PITPNC1: variants seen among roughly 807,000 people sequenced by gnomAD.
PITPNC1 encodes phosphatidylinositol transfer protein cytoplasmic 1.
PITPNC1 carries 18 observed loss-of-function variants against 44.7 expected under a neutral mutation model. The ratio of observed to expected loss-of-function variants is 0.40; its 90% confidence interval spans 0.28 to 0.60. The LOEUF (loss-of-function observed/expected upper bound fraction) is 0.60. PITPNC1 is among the 20% of genes least tolerant of loss of function. The probability of loss-of-function intolerance (pLI) is 0.39; values close to 1 mark genes in which losing one functional copy is unlikely to be tolerated. For synonymous variants in PITPNC1, 141 were observed against 149.6 expected, an observed-to-expected ratio of 0.94 and a Z score of 0.42; for missense variants, 290 against 418.4, an observed-to-expected ratio of 0.69 and a Z score of 2.68.
intron 1 of PITPNC1, among the ~76,000 whole-genome samples, chr17:67,452,374 A>G (rs1269652718): frequency 6.6e-6 from 1 of 151,936 alleles, no homozygotes; most frequent in African/African-American, 2.4e-5. Context: ...CATTTTGTTT[A>G]TTCATCACCA....
intron 3 of PITPNC1, among the ~76,000 whole-genome samples, chr17:67,552,765 G>A (rs963614794): frequency 1.4e-5 from 2 of 145,050 alleles, no homozygotes; most frequent in African/African-American, 2.6e-5. Context: ...CCAAGATTGT[G>A]CCACTGCACG....
intron 5 of PITPNC1, among the ~76,000 whole-genome samples, chr17:67,584,497 A>G (rs1404238946): frequency 6.6e-6 from 1 of 152,178 alleles, no homozygotes; most frequent in African/African-American, 2.4e-5. Context: ...ATCAGTATTG[A>G]AGTTCCAGTT....
chr17:67,399,499 C>T (rs1296609541), intron 1 of PITPNC1, among the ~76,000 whole-genome samples: 1 of 152,178 alleles, frequency 6.6e-6, no homozygotes, highest in Non-Finnish European at 1.5e-5. Flanking sequence ...CGCTGCTTTA[C>T]CACACATTTT....
Position 67,473,053 on chromosome 17 carries a change from T to C in PITPNC1, c.49-59749T>C, listed in dbSNP as rs370194704. Among the ~76,000 whole-genome samples, 22 of 151,838 alleles carry C rather than the reference T, an allele frequency of 1.4e-4. 1 individual carries two copies. In the South Asian group the frequency reaches 4.6e-3, roughly 32 times the overall value. ...ACCATGCCCAACTAATTTTTTTGTA[T>C]TTTTAGTAGAGAAGGGGTTTCACCA... On this transcript the variant is annotated intron_variant, in intron 1 of 8. Coordinates refer to ENST00000581322, the MANE Select transcript of PITPNC1 (RefSeq NM_012417.4).
At chr17:67,384,223 A>G (rs1007076841) in intron 1 of PITPNC1, among the ~76,000 whole-genome samples, 5 of 152,088 alleles carry the variant, frequency 3.3e-5, no homozygotes, top group African/African-American at 1.2e-4. Flanking sequence ...AGGAAAGGAA[A>G]GAAAAGAAAA....
chr17:67,402,086 G>A (rs922631135), intron 1 of PITPNC1, among the ~76,000 whole-genome samples: 16 of 152,198 alleles, frequency 1.1e-4, no homozygotes, highest in African/African-American at 3.4e-4. Flanking sequence ...CTTGCAAGCC[G>A]TAAGGTCTCT....
At chr17:67,424,194 A>C (rs755526139) in intron 1 of PITPNC1, among the ~76,000 whole-genome samples, 31 of 152,046 alleles carry the variant, frequency 2.0e-4, no homozygotes, top group African/African-American at 4.8e-4. Flanking sequence ...GTATGGTAGA[A>C]GCCAATAGAG....
chr17:67,490,754 C>T (rs2039853728), intron 1 of PITPNC1, among the ~76,000 whole-genome samples: 1 of 152,286 alleles, frequency 6.6e-6, no homozygotes, highest in African/African-American at 2.4e-5. Flanking sequence ...TTGTCAGTCA[C>T]GAGAGAACAT....
chr17:67,384,529 C>G (rs1273422011), intron 1 of PITPNC1, among the ~76,000 whole-genome samples: 1 of 152,110 alleles, frequency 6.6e-6, no homozygotes, highest in Non-Finnish European at 1.5e-5. Flanking sequence ...GGGTTCACGC[C>G]ATTCTCCTGC....
chr17:67,588,097 A>T (rs532193951), intron 5 of PITPNC1, among the ~76,000 whole-genome samples: 1 of 152,272 alleles, frequency 6.6e-6, no homozygotes, highest in African/African-American at 2.4e-5. Context: ...TCTACCTCTC[A>T]GGTTCAAACG....
chr17:67,483,549 C>T (rs1421187440), intron 1 of PITPNC1, among the ~76,000 whole-genome samples: 2 of 152,144 alleles, frequency 1.3e-5, no homozygotes, highest in African/African-American at 4.8e-5. Context: ...CATTAAGATG[C>T]GTTGCCACTC....
At chr17:67,498,026 A>C (rs1054163075) in intron 1 of PITPNC1, among the ~76,000 whole-genome samples, 5 of 150,696 alleles carry the variant, frequency 3.3e-5, no homozygotes, top group Admixed American at 2.6e-4. Flanking sequence ...AGGCCTGGCT[A>C]ATTTTTTGTA....
At chr17:67,669,356 T>A (rs1253785031) in intron 6 of PITPNC1, among the ~76,000 whole-genome samples, 152 bp from the exon 7 acceptor site, 1 of 152,168 alleles carries the variant, frequency 6.6e-6, no homozygotes, top group Non-Finnish European at 1.5e-5. Context: ...CCTCAGGTGA[T>A]CCGCCCGCCT....
chr17:67,657,327 T>C (rs574156163), intron 6 of PITPNC1, among the ~76,000 whole-genome samples: 6 of 152,130 alleles, frequency 3.9e-5, no homozygotes, highest in Non-Finnish European at 7.3e-5. Flanking sequence ...ATGTTTGAGA[T>C]TGACTAGATG....
chr17:67,489,964 G>A (rs72845152), intron 1 of PITPNC1, among the ~76,000 whole-genome samples: 17,597 of 152,060 alleles, frequency 0.12, 1,200 homozygotes, highest in Middle Eastern at 0.2. Flanking sequence ...GGCTGGTCTC[G>A]AACCTCAAGT....
chr17:67,530,755 C>T (rs1032330928), intron 1 of PITPNC1, among the ~76,000 whole-genome samples: 6 of 152,130 alleles, frequency 3.9e-5, no homozygotes, highest in African/African-American at 1.4e-4. Context: ...AAATCTCCAC[C>T]CCCTGGGTAG....
intron 1 of PITPNC1, among the ~76,000 whole-genome samples, chr17:67,525,820 C>A (rs1459799571): frequency 1.3e-5 from 2 of 152,168 alleles, no homozygotes; most frequent in African/African-American, 4.8e-5. Context: ...CCCAAGAAAG[C>A]CAAATGATAT....
intron 5 of PITPNC1, among the ~76,000 whole-genome samples, chr17:67,625,632 C>T (rs2041886508): frequency 6.6e-6 from 1 of 152,182 alleles, no homozygotes; most frequent in Admixed American, 6.5e-5. Flanking sequence ...TACACCACAT[C>T]AGGACCGCTG....
chr17:67,566,275 C>T (rs1329053767), intron 4 of PITPNC1, among the ~76,000 whole-genome samples: 1 of 152,172 alleles, frequency 6.6e-6, no homozygotes, highest in African/African-American at 2.4e-5. Context: ...GCGATCTTGG[C>T]TCACTGCAAC....
Sources: gnomAD v4.1 joint callset for allele counts (sites outside exome capture counted in the v4.1 genomes callset) on GRCh38, gnomAD v4.1.1 for gene constraint, MANE v1.5 for transcripts, NCBI Gene and HGNC (gene_info 2026-07-23, HGNC 2026-07-21) for gene names.